Variants in SMAD3 observed in about 807,000 individuals in gnomAD.
The protein encoded by SMAD3 is SMAD family member 3.
Under a neutral mutation model 51.8 loss-of-function variants are expected in SMAD3, and 12 were observed. The ratio of observed to expected loss-of-function variants is 0.23; its 90% confidence interval spans 0.15 to 0.38. The LOEUF is 0.38. SMAD3 is among the 10% of genes least tolerant of loss of function. The pLI, the probability that SMAD3 is intolerant of heterozygous loss-of-function variation, is 1.00. For missense variants in SMAD3, 294 were observed against 565.6 expected, an observed-to-expected ratio of 0.52 and a Z score of 4.87; for synonymous variants, 238 against 227.7, an observed-to-expected ratio of 1.05 and a Z score of -0.41.
At chr15:67,138,966 A>G (rs1264183281) in intron 1 of SMAD3, among the ~76,000 whole-genome samples, 1 of 152,232 alleles carries the variant, frequency 6.6e-6, no homozygotes, top group East Asian at 1.9e-4. Context: ...GCCCACTTCA[A>G]AGCAAAAGCC....
intron 1 of SMAD3, among the ~76,000 whole-genome samples, chr15:67,159,320 C>T (rs182836712): frequency 2.2e-4 from 34 of 152,290 alleles, no homozygotes; most frequent in Admixed American, 1.1e-3. Flanking sequence ...ATCCACCTGC[C>T]TTGGCTTCTC....
intron 1 of SMAD3, chr15:67,077,905 C>T (rs1294153151): frequency 6.6e-6 from 1 of 152,226 alleles, no homozygotes; most frequent in East Asian, 1.9e-4. Flanking sequence ...TGTGTTTGGA[C>T]CTTGCTCTGT....
At chr15:67,178,002 G>A (rs1018200948) in intron 5 of SMAD3, among the ~76,000 whole-genome samples, 11 of 152,222 alleles carry the variant, frequency 7.2e-5, no homozygotes, top group African/African-American at 2.7e-4. Flanking sequence ...TGAAATGGCA[G>A]CCTGCAGACT....
chr15:67,183,013 ATATATATATATATATATATTTT>A (rs1426315017), intron 6 of SMAD3, among the ~76,000 whole-genome samples: 3 of 71,454 alleles, frequency 4.2e-5, no homozygotes, highest in Admixed American at 1.7e-4. Flanking sequence ...ATATATATAT[ATATATATATATATATATATTTT>A]TTTTTTTTTT....
intron 1 of SMAD3, among the ~76,000 whole-genome samples, chr15:67,091,097 C>A (rs569148403): frequency 6.6e-6 from 1 of 152,208 alleles, no homozygotes; most frequent in Non-Finnish European, 1.5e-5. Context: ...GAAAGATCCT[C>A]GAAATGGTGG....
At position 67,194,252 on chromosome 15, in the gene SMAD3, C is replaced by G. The variant is rs12900401; in HGVS notation, c.*3716C>G. 1.7e-5 allele frequency: 4 copies of G among 233,224 alleles called. No individual in the cohort carries two copies. The East Asian group carries it at 2.4e-4, about 14-fold the overall frequency. The allele number at this position is 233,224 out of a possible 1,614,324, so 14.4% of individuals were successfully genotyped here. ...CCCTTGTAGGCCCCTTTCAGGTAACCGTCTTCACAATGTATTTTCATCACA... is the reference window on the plus strand; with the variant it reads ...CCCTTGTAGGCCCCTTTCAGGTAACGGTCTTCACAATGTATTTTCATCACA... On this transcript the variant is annotated 3_prime_UTR_variant, in exon 9 of 9. Coordinates refer to ENST00000327367, the MANE Select transcript of SMAD3 (RefSeq NM_005902.4).
At position 67,134,285 on chromosome 15, in the gene SMAD3, A is replaced by T. The variant is rs952732393; in HGVS notation, c.207-30610A>T. 2.0e-4 allele frequency among the ~76,000 whole-genome samples: 31 copies of T among 152,206 alleles called. No individual in the cohort carries two copies. In the South Asian group the frequency reaches 6.2e-3, roughly 31 times the overall value. ...ATTGGCCTGGGGTTAATGAGTGGTGAATGTGTGTCAGTGTTTGGTATTTGC... is the reference window on the plus strand; with the variant it reads ...ATTGGCCTGGGGTTAATGAGTGGTGTATGTGTGTCAGTGTTTGGTATTTGC... On this transcript the variant is annotated intron_variant, in intron 1 of 8. Coordinates refer to ENST00000327367, the MANE Select transcript of SMAD3 (RefSeq NM_005902.4).
At chr15:67,093,409 G>A (rs1960549724) in intron 1 of SMAD3, among the ~76,000 whole-genome samples, 1 of 152,156 alleles carries the variant, frequency 6.6e-6, no homozygotes, top group South Asian at 2.1e-4. Flanking sequence ...GCCAGTGCAG[G>A]GGTGCATAAT....
intron 3 of SMAD3, chr15:67,166,283 C>G (rs1962587006): frequency 3.6e-6 from 2 of 554,580 alleles, no homozygotes; most frequent in African/African-American, 2.0e-5. Context: ...ATCACACTGT[C>G]TTTGCCGTCA....
chr15:67,084,039 G>A (rs552952406), intron 1 of SMAD3, among the ~76,000 whole-genome samples: 22 of 146,778 alleles, frequency 1.5e-4, no homozygotes, highest in Middle Eastern at 7.1e-3. Context: ...GAAAGAATCT[G>A]TGTATCCGTT....
At chr15:67,110,787 T>G (rs1204762316) in intron 1 of SMAD3, among the ~76,000 whole-genome samples, 1 of 152,246 alleles carries the variant, frequency 6.6e-6, no homozygotes, top group Non-Finnish European at 1.5e-5. Flanking sequence ...AAAGAAATTC[T>G]TCCTTTTGGA....
chr15:67,121,152 C>T (rs926707061), intron 1 of SMAD3, among the ~76,000 whole-genome samples: 3 of 152,238 alleles, frequency 2.0e-5, no homozygotes, highest in East Asian at 1.9e-4. Flanking sequence ...CTGCAGCCCC[C>T]GCCCTGTCCT....
intron 6 of SMAD3, among the ~76,000 whole-genome samples, chr15:67,182,577 A>G (rs1963088382): frequency 6.6e-6 from 1 of 152,088 alleles, no homozygotes; most frequent in Admixed American, 6.5e-5. Flanking sequence ...TCGGGCTCTC[A>G]CAGAAGACTT....
intron 1 of SMAD3, among the ~76,000 whole-genome samples, chr15:67,109,773 G>GC (rs1469428424): frequency 6.6e-6 from 1 of 152,196 alleles, no homozygotes; most frequent in Admixed American, 6.5e-5. Context: ...CGACACCCGC[G>GC]TGCCCCTTAC....
intron 1 of SMAD3, among the ~76,000 whole-genome samples, chr15:67,068,826 G>T (rs1265056069): frequency 1.3e-5 from 2 of 152,148 alleles, no homozygotes; most frequent in African/African-American, 4.8e-5. Context: ...GGCTGGTTTG[G>T]CCCTGTGCTG....
Position 67,097,970 on chromosome 15 carries a change from T to C in SMAD3, c.206+31610T>C, listed in dbSNP as rs577455192. ...TGAAGGTCTTCAAGGATCCTGGTCC[T>C]CTCACACTGTCACTCTTAGTCACAT... On this transcript the variant is annotated intron_variant, in intron 1 of 8. Transcript: ENST00000327367. Among the ~76,000 whole-genome samples the C allele has an allele frequency of 1.1e-4, 16 of 152,332 alleles. 1 individual carries two copies. In the East Asian group the frequency reaches 2.9e-3, roughly 28 times the overall value.
chr15:67,156,565 A>T (rs977475442), intron 1 of SMAD3, among the ~76,000 whole-genome samples: 1 of 152,202 alleles, frequency 6.6e-6, no homozygotes, highest in Non-Finnish European at 1.5e-5. Flanking sequence ...TTCTCAATCC[A>T]TGTATGGAGA....
chr15:67,143,799 T>C (rs887873313), intron 1 of SMAD3, among the ~76,000 whole-genome samples: 1 of 151,974 alleles, frequency 6.6e-6, no homozygotes, highest in African/African-American at 2.4e-5. Flanking sequence ...CTAGAGTGCA[T>C]AGTGTGATCT....
chr15:67,190,829 C>T lies in SMAD3; in HGVS notation c.*293C>T, dbSNP rs942394268. The T allele has an allele frequency of 1.1e-5, 5 of 467,692 alleles. No homozygotes were observed. The highest frequency in any genetic ancestry group is 7.7e-5 in the African/African-American group (4 of 52,048). 29.0% of individuals were successfully genotyped at this position (467,692 alleles called of 1,614,324 possible). ...AGAACAGGTAGTATTACACCACCGG[C>T]CCCCTCCCCCCAGACTCTTTTTTTG... On this transcript the variant is annotated 3_prime_UTR_variant, in exon 9 of 9. Coordinates refer to ENST00000327367, the MANE Select transcript of SMAD3 (RefSeq NM_005902.4).
Sources: gnomAD v4.1 joint callset for allele counts (sites outside exome capture counted in the v4.1 genomes callset) on GRCh38, gnomAD v4.1.1 for gene constraint, MANE v1.5 for transcripts, NCBI Gene and HGNC (gene_info 2026-07-23, HGNC 2026-07-21) for gene names.